ACAD11: variants seen among roughly 807,000 people sequenced by gnomAD.
ACAD11 encodes the protein acyl-Coenzyme A dehydrogenase family, member 11.
ACAD11 carries 83 observed loss-of-function variants against 102.2 expected under a neutral mutation model. That is an observed-to-expected ratio of 0.81 (90% confidence interval 0.68 to 0.97). The LOEUF (loss-of-function observed/expected upper bound fraction) is 0.97. Ranked by LOEUF, ACAD11 falls within the 50% of genes least tolerant of loss-of-function variation. The pLI is 0.00. For synonymous variants in ACAD11, 324 were observed against 319.8 expected, an observed-to-expected ratio of 1.01 and a Z score of -0.14; for missense variants, 901 against 951.7, an observed-to-expected ratio of 0.95 and a Z score of 0.70.
rs1390374317 is a variant in ACAD11 at position 132,642,075 on chromosome 3, A to G, written c.434T>C (p.Ile145Thr). The G allele has an allele frequency of 6.2e-7, 1 of 1,614,074 alleles. No individual in the cohort carries two copies. Among genetic ancestry groups the G allele is most frequent in the South Asian group, 1.1e-5 (1 of 91,084 alleles). ...CAATGTTTCTACCGTGGCCACATATATGGCTGAACGTTCTGCTGGGCTAAG... is the reference window on the plus strand; with the variant it reads ...CAATGTTTCTACCGTGGCCACATATGTGGCTGAACGTTCTGCTGGGCTAAG... Reference protein sequence around the residue: ...PGLSPAERSAIYVATVETLAQ... With the variant: ...PGLSPAERSATYVATVETLAQ... Residue 145 changes from isoleucine to threonine, a missense_variant, in exon 4 of 20, where the codon ATA (isoleucine) becomes ACA (threonine). Physicochemically the swap from Ile to Thr is moderately conservative, Grantham distance 89. Coordinates refer to ENST00000264990, the MANE Select transcript of ACAD11 (RefSeq NM_032169.5).
chr3:132,624,599 C>A (rs1939738076), intron 9 of ACAD11, among the ~76,000 whole-genome samples: 2 of 2,404 alleles, frequency 8.3e-4, no homozygotes, highest in African/African-American at 2.4e-3. Flanking sequence ...AGCAAGACTC[C>A]ATTAAAAAAA....
At chr3:132,641,705 GAAGAAGAA>G (rs1559974111) in intron 4 of ACAD11, among the ~76,000 whole-genome samples, 78 of 114,640 alleles carry the variant, frequency 6.8e-4, no homozygotes, top group African/African-American at 1.8e-3. Context: ...AGAGGAAGAA[GAAGAAGAA>G]GAAGAAGAAG....
intron 17 of ACAD11, among the ~76,000 whole-genome samples, chr3:132,573,220 A>G (rs762774709): frequency 4.6e-5 from 7 of 152,126 alleles, no homozygotes; most frequent in Admixed American, 6.6e-5. Flanking sequence ...GCCCTTCAAC[A>G]GGGGATATTT....
rs368494943 is a variant in ACAD11 at position 132,658,696 on chromosome 3, A to AT, written c.149+906dup. Among the ~76,000 whole-genome samples the AT allele has an allele frequency of 7.0e-4, 106 of 152,238 alleles. 1 individual carries two copies. The highest frequency in any genetic ancestry group is 2.0e-3 in the African/African-American group (83 of 41,542). On this transcript the variant is annotated intron_variant, in intron 1 of 19. Transcript: ENST00000264990. ...GGACCTTTAAATTCTACACCCTAAA[A>AT]TGTTCCCTGATCCATCTCATTTATT...
chr3:132,559,976 T>C, intron 18 of ACAD11, 34 bp from the exon 19 acceptor site: 1 of 1,535,722 alleles, frequency 6.5e-7, no homozygotes, highest in Non-Finnish European at 9.0e-7. Flanking sequence ...AATGCTTCTT[T>C]CTTAGACTAT....
intron 13 of ACAD11, among the ~76,000 whole-genome samples, chr3:132,589,300 A>T (rs908936280): frequency 1.3e-5 from 2 of 152,196 alleles, no homozygotes; most frequent in African/African-American, 4.8e-5. Flanking sequence ...CCCAAAGAAC[A>T]TTAGGATGAT....
intron 13 of ACAD11, among the ~76,000 whole-genome samples, chr3:132,590,121 A>C (rs1390141785): frequency 1.3e-5 from 2 of 152,192 alleles, no homozygotes; most frequent in African/African-American, 4.8e-5. Context: ...ATGGGCATTT[A>C]GGTTGATTCC....
chr3:132,598,608 G>C (rs1301241053), intron 13 of ACAD11, among the ~76,000 whole-genome samples: 1 of 152,230 alleles, frequency 6.6e-6, no homozygotes. Context: ...AAAGTCTTCT[G>C]GGGAGGTCGC....
chr3:132,636,174 C>T (rs757668189), intron 5 of ACAD11, among the ~76,000 whole-genome samples: 1 of 152,052 alleles, frequency 6.6e-6, no homozygotes, highest in African/African-American at 2.4e-5. Flanking sequence ...AATTAATTAG[C>T]AATAGCTAAT....
At chr3:132,626,613 T>C in intron 9 of ACAD11, 78 bp downstream of exon 9, 1 of 1,536,414 alleles carries the variant, frequency 6.5e-7, no homozygotes, top group South Asian at 1.2e-5. Context: ...ACACCATGCT[T>C]CTCCTATAAG....
At position 132,575,865 on chromosome 3, in the gene ACAD11, A is replaced by G; in HGVS notation, c.1908T>C (p.Cys636=). 6.2e-7 allele frequency: 1 copy of G among 1,614,040 alleles called. No homozygotes were observed. Among genetic ancestry groups the G allele is most frequent in the Non-Finnish European group, 8.5e-7 (1 of 1,179,978 alleles). The change falls in exon 17 of 20, where the codon TGT becomes TGC. Residue 636 remains cysteine (C), a synonymous_variant. Coordinates refer to ENST00000264990, the MANE Select transcript of ACAD11 (RefSeq NM_032169.5). The stretch of plus-strand genomic sequence containing the variant: ...GTTCCGCCAAACCTACTGTTCTCAT[A>G]CAGTGGTGGATTCTGCCAGGTCCAA... ...GRLGPGRIHH[C]MRTVGLAERA... is the part of the protein sequence containing the mutation.
At position 132,639,532 on chromosome 3, in the gene ACAD11, C is replaced by T. The variant is rs971720507; in HGVS notation, c.662G>A (p.Gly221Glu). ...AACTATGTTATCTAGTCTGAAATCT[C>T]CATGAATCAAATTCTCTTCATTGTC... ...DNDNEENLIH[G>E]DFRLDNIVFH... Residue 221 changes from glycine to glutamate, a missense_variant, in exon 5 of 20, where the codon GGA becomes GAA. Transcript: ENST00000264990. 6.2e-7 allele frequency: 1 copy of T among 1,613,926 alleles called. No homozygotes were observed. The highest frequency in any genetic ancestry group is 1.7e-5 in the Admixed American group (1 of 59,970).
At chr3:132,568,795 C>A in intron 17 of ACAD11, among the ~76,000 whole-genome samples, 2 of 107,100 alleles carry the variant, frequency 1.9e-5, no homozygotes, top group South Asian at 3.4e-4. Context: ...ATTGGACATC[C>A]ACAGGCAAAA....
chr3:132,621,628 C>A (rs1939611337), intron 9 of ACAD11, among the ~76,000 whole-genome samples: 1 of 152,088 alleles, frequency 6.6e-6, no homozygotes, highest in African/African-American at 2.4e-5. Flanking sequence ...CTAGAAGAAA[C>A]ATCTGAGTTG....
At chr3:132,559,757 T>C (rs764379497) in intron 19 of ACAD11, 76 bp downstream of exon 19, 10 of 1,147,962 alleles carry the variant, frequency 8.7e-6, no homozygotes, top group Non-Finnish European at 1.0e-5. Flanking sequence ...CATAAGCAAT[T>C]AATGTCAAGG....
intron 13 of ACAD11, among the ~76,000 whole-genome samples, chr3:132,581,756 A>T (rs1176673040): frequency 6.6e-6 from 1 of 152,030 alleles, no homozygotes; most frequent in Non-Finnish European, 1.5e-5. Flanking sequence ...ATTGACCTTG[A>T]TTCTAGAAAC....
intron 17 of ACAD11, among the ~76,000 whole-genome samples, chr3:132,567,397 A>G (rs1559931372): frequency 6.6e-6 from 1 of 152,218 alleles, no homozygotes; most frequent in East Asian, 1.9e-4. Flanking sequence ...ATCTAGAGAG[A>G]AAGGTAACTA....
At chr3:132,625,059 A>C (rs1485363756) in intron 9 of ACAD11, among the ~76,000 whole-genome samples, 1 of 152,140 alleles carries the variant, frequency 6.6e-6, no homozygotes, top group African/African-American at 2.4e-5. Flanking sequence ...GTTATAAGAG[A>C]CCAACCGAAG....
At chr3:132,597,165 G>A (rs1938347393) in intron 13 of ACAD11, 1 of 152,142 alleles carries the variant, frequency 6.6e-6, no homozygotes, top group African/African-American at 2.4e-5. Context: ...GGTTTTACAG[G>A]AAATAAAATA....
Sources: allele counts gnomAD v4.1 joint callset (sites outside exome capture counted in the v4.1 genomes callset), GRCh38; gene constraint gnomAD v4.1.1; transcripts MANE v1.5; gene names NCBI Gene and HGNC (gene_info 2026-07-23, HGNC 2026-07-21).